The following ZFHX4 variants were observed in gnomAD, a reference collection of about 807,000 sequenced individuals.
The protein encoded by ZFHX4 is zinc finger homeobox protein 4.
Under a neutral mutation model 267.6 loss-of-function variants are expected in ZFHX4, and 56 were observed. The ratio of observed to expected loss-of-function variants is 0.21; its 90% CI spans 0.17 to 0.26. The LOEUF (loss-of-function observed/expected upper bound fraction) is 0.26. Ranked by LOEUF, ZFHX4 falls within the 10% of genes least tolerant of loss-of-function variation. The pLI is 1.00. For missense variants in ZFHX4, 4,332 were observed against 4,420.0 expected, an observed-to-expected ratio of 0.98 and a Z score of 0.56; for synonymous variants, 1,778 against 1,665.6, an observed-to-expected ratio of 1.07 and a Z score of -1.64.
chr8:76,746,834 C>G (rs1172449048), intron 3 of ZFHX4, among the ~76,000 whole-genome samples: 1 of 152,132 alleles, frequency 6.6e-6, no homozygotes, highest in South Asian at 2.1e-4. Flanking sequence ...CTCCTTGGTA[C>G]AGTCATTTCA....
intron 1 of ZFHX4, among the ~76,000 whole-genome samples, chr8:76,684,710 T>TA (rs1327113360): frequency 2.6e-5 from 4 of 152,222 alleles, no homozygotes; most frequent in African/African-American, 9.6e-5. Context: ...AGTTGCCACT[T>TA]AAAGTTAAAA....
chr8:76,798,645 C>A (rs569220853), intron 4 of ZFHX4, among the ~76,000 whole-genome samples: 6 of 152,300 alleles, frequency 3.9e-5, no homozygotes, highest in South Asian at 4.1e-4. Flanking sequence ...GACAAAGCAA[C>A]TCACAAGGGT....
In ZFHX4 at chr8:76,708,010, A is replaced by G; in HGVS notation, c.3055A>G (p.Thr1019Ala). The G allele has an allele frequency of 6.2e-7, 1 of 1,613,874 alleles. No individual in the cohort carries two copies. The highest frequency in any genetic ancestry group is 1.1e-5 in the South Asian group (1 of 91,080). ...TGTGGATAAATTACGCTTGCATACC[A>G]CCAATCACAGGCACGAGGCGGCCCT... is the stretch of plus-strand genomic sequence containing the variant. Reference protein sequence around the residue: ...NSVDKLRLHTTNHRHEAALKL... With the variant: ...NSVDKLRLHTANHRHEAALKL... The change falls in exon 3 of 11, where the codon ACC becomes GCC. Residue 1019 changes from threonine (T) to alanine (A), a missense_variant. Physicochemically the swap from Thr to Ala is moderately conservative, Grantham distance 58. Around this residue, in one of 7 missense-constraint regions of ZFHX4, gnomAD observed 1,371 missense variants for 1,423.1 expected, o/e 0.96. Coordinates refer to ENST00000651372, the MANE Select transcript of ZFHX4 (RefSeq NM_024721.5).
intron 3 of ZFHX4, among the ~76,000 whole-genome samples, chr8:76,739,383 T>C (rs1004252248): frequency 4.6e-5 from 7 of 152,202 alleles, no homozygotes; most frequent in Non-Finnish European, 7.3e-5. Flanking sequence ...GAGATCATGA[T>C]ATAACTACCT....
chr8:76,724,009 A>G (rs1171584246), intron 3 of ZFHX4, among the ~76,000 whole-genome samples: 1 of 152,130 alleles, frequency 6.6e-6, no homozygotes, highest in Non-Finnish European at 1.5e-5. Context: ...TGAGATTTTT[A>G]TCAGAAAGAA....
At chr8:76,830,104 A>C (rs1444599548) in intron 4 of ZFHX4, among the ~76,000 whole-genome samples, 2 of 152,192 alleles carry the variant, frequency 1.3e-5, no homozygotes, top group Non-Finnish European at 2.9e-5. Flanking sequence ...TATGGGTGTC[A>C]TAATGCAAAT....
chr8:76,816,824 G>A (rs957873558), intron 4 of ZFHX4, among the ~76,000 whole-genome samples: 2 of 152,056 alleles, frequency 1.3e-5, no homozygotes, highest in South Asian at 2.1e-4. Context: ...TGGAACTCCT[G>A]ACCTCAGGTG....
intron 3 of ZFHX4, among the ~76,000 whole-genome samples, chr8:76,764,126 C>A (rs1056090542): frequency 6.6e-6 from 1 of 152,102 alleles, no homozygotes; most frequent in Admixed American, 6.6e-5. Context: ...GATTACATAT[C>A]TTCAAAAGAC....
chr8:76,724,238 G>C (rs905070933), intron 3 of ZFHX4, among the ~76,000 whole-genome samples: 1 of 152,038 alleles, frequency 6.6e-6, no homozygotes, highest in African/African-American at 2.4e-5. Flanking sequence ...AAGGTTGCTT[G>C]TAGATCTTAA....
chr8:76,769,415 T>A (rs1201771305), intron 3 of ZFHX4, among the ~76,000 whole-genome samples: 1 of 152,024 alleles, frequency 6.6e-6, no homozygotes, highest in Non-Finnish European at 1.5e-5. Flanking sequence ...AGTGCCCTGA[T>A]CACCATTCAC....
chr8:76,812,938 A>G (rs1811414468), intron 4 of ZFHX4, among the ~76,000 whole-genome samples: 1 of 152,190 alleles, frequency 6.6e-6, no homozygotes, highest in Non-Finnish European at 1.5e-5. Flanking sequence ...GCAAATGGTA[A>G]CTATTATTAT....
chr8:76,784,489 A>G (rs1210405361), intron 4 of ZFHX4, among the ~76,000 whole-genome samples: 1 of 151,958 alleles, frequency 6.6e-6, no homozygotes, highest in Non-Finnish European at 1.5e-5. Flanking sequence ...CTGTCTTGTC[A>G]TTGCTCTAGC....
chr8:76,850,923 C>A lies in ZFHX4; in HGVS notation c.4002C>A (p.Leu1334=). 6.2e-7 allele frequency: 1 copy of A among 1,611,672 alleles called. No homozygotes were observed. Among genetic ancestry groups the A allele is most frequent in the South Asian group, 1.1e-5 (1 of 90,600 alleles). The part of the protein sequence containing the change: ...SPMDDKSMAG[L]EDSKANVEVK... ...TGGATGACAAAAGCATGGCAGGTCT[C>A]GAGGATTCAAAGGCTAATGTGGAAG... The change falls in exon 10 of 11, where the codon CTC becomes CTA. Residue 1334 remains leucine (L), a synonymous_variant. Transcript: ENST00000651372.
chr8:76,774,263 A>C (rs1407739144), intron 3 of ZFHX4, among the ~76,000 whole-genome samples: 2 of 152,156 alleles, frequency 1.3e-5, no homozygotes, highest in African/African-American at 4.8e-5. Context: ...ATTACTAGAA[A>C]AAAAATTGAA....
intron 3 of ZFHX4, among the ~76,000 whole-genome samples, chr8:76,764,151 T>A (rs2131735783): frequency 6.6e-6 from 1 of 152,274 alleles, no homozygotes; most frequent in East Asian, 1.9e-4. Flanking sequence ...CAAAGAACTA[T>A]GAAAATAATA....
At chr8:76,820,534 T>A (rs1357374988) in intron 4 of ZFHX4, among the ~76,000 whole-genome samples, 1 of 152,200 alleles carries the variant, frequency 6.6e-6, no homozygotes, top group Non-Finnish European at 1.5e-5. Context: ...ATTTAATGGG[T>A]GTGTGGAAAA....
At chr8:76,824,705 T>G (rs1811740235) in intron 4 of ZFHX4, among the ~76,000 whole-genome samples, 1 of 152,278 alleles carries the variant, frequency 6.6e-6, no homozygotes, top group Admixed American at 6.5e-5. Flanking sequence ...CTGGATTAGC[T>G]GGGACTACAG....
At chr8:76,716,364 T>C (rs1469563729) in intron 3 of ZFHX4, among the ~76,000 whole-genome samples, 1 of 152,190 alleles carries the variant, frequency 6.6e-6, no homozygotes, top group Non-Finnish European at 1.5e-5. Context: ...ACAATAATCA[T>C]GTAAGTTAAA....
At chr8:76,786,988 A>G (rs76142519) in intron 4 of ZFHX4, among the ~76,000 whole-genome samples, 4,551 of 152,298 alleles carry the variant, frequency 0.03, 199 homozygotes, top group African/African-American at 0.098. Context: ...ATAGGGGGGT[A>G]GTCAAATTTG....
Sources: gnomAD v4.1 joint callset for allele counts (sites outside exome capture counted in the v4.1 genomes callset) on GRCh38, gnomAD v4.1.1 for gene constraint, gnomAD v4.1.1 regional missense constraint, MANE v1.5 for transcripts, NCBI Gene and HGNC (gene_info 2026-07-23, HGNC 2026-07-21) for gene names.